Variants in GABRA3 observed in about 807,000 individuals in gnomAD.
GABRA3 encodes gamma-aminobutyric acid receptor subunit alpha-3.
Under a neutral mutation model 30.1 loss-of-function variants are expected in GABRA3, and 10 were observed. The ratio of observed to expected loss-of-function variants is 0.33; its 90% CI spans 0.20 to 0.56. The LOEUF (loss-of-function observed/expected upper bound fraction) is 0.56, where lower values mean the gene tolerates loss of function less well. Ranked by LOEUF, GABRA3 falls within the 20% of genes least tolerant of loss-of-function variation. GABRA3 has a pLI of 0.89. For missense variants in GABRA3, 233 were observed against 392.0 expected (o/e 0.59, Z 3.42); for synonymous variants, 151 against 146.8 (o/e 1.03, Z -0.21).
rs768180233 is a variant in GABRA3 at position 152,173,796 on chromosome X, T to C, written c.1144-5233A>G. Among the ~76,000 whole-genome samples the C allele has an allele frequency of 2.7e-5, 3 of 110,481 alleles. No individual in the cohort carries two copies. The East Asian group carries it at 8.5e-4, about 31-fold the overall frequency. ...ATTTATTTATTTATTTATTTATTTA[T>C]ATTATTATTATACTTTAAGTTTTAG... is the stretch of plus-strand genomic sequence containing the variant. On this transcript the variant is annotated intron_variant, in intron 9 of 9. Coordinates refer to ENST00000370314, the MANE Select transcript of GABRA3 (RefSeq NM_000808.4).
At chrX:152,307,107 C>A (rs890734257) in intron 3 of GABRA3, among the ~76,000 whole-genome samples, 1 of 111,019 alleles carries the variant, frequency 9.0e-6, no homozygotes, top group Admixed American at 9.6e-5. Context: ...GAGACTGAGT[C>A]CTGGGTCAAC....
chrX:152,357,927 C>T (rs953560878), intron 2 of GABRA3, among the ~76,000 whole-genome samples: 6 of 111,114 alleles, frequency 5.4e-5, no homozygotes, highest in Non-Finnish European at 7.5e-5. Flanking sequence ...ATTTCTGTAC[C>T]GGTACCATGC....
At chrX:152,266,753 GA>G (rs745313420) in intron 4 of GABRA3, among the ~76,000 whole-genome samples, 21 of 108,619 alleles carry the variant, frequency 1.9e-4, no homozygotes, top group South Asian at 4.0e-4. Context: ...TTATAGCACT[GA>G]AAAAAAAATA....
chrX:152,319,316 G>C (rs1289105758), intron 3 of GABRA3, among the ~76,000 whole-genome samples: 1 of 111,846 alleles, frequency 8.9e-6, no homozygotes, highest in East Asian at 2.8e-4. Flanking sequence ...CACATTACTT[G>C]ACTTCAAACT....
chrX:152,169,331 G>A (rs1341744352), intron 9 of GABRA3, among the ~76,000 whole-genome samples: 1 of 112,417 alleles, frequency 8.9e-6, no homozygotes, highest in Non-Finnish European at 1.9e-5. Flanking sequence ...GCTTTCCACA[G>A]AGCTATGTAA....
chrX:152,241,711 G>C (rs765286633), intron 5 of GABRA3, among the ~76,000 whole-genome samples: 1 of 109,254 alleles, frequency 9.2e-6, no homozygotes, highest in African/African-American at 3.3e-5. Flanking sequence ...CTCGTGGTGC[G>C]CCGTTTCTTA....
In GABRA3 at chrX:152,232,622, A is replaced by G. The variant is rs188187783; in HGVS notation, c.552-7777T>C. ...TTATTTTATTGATAAATAGTGTTCT[A>G]TTGTGTGTGTGTGTGTGTATATATG... On this transcript the variant is annotated intron_variant, in intron 5 of 9. Coordinates refer to ENST00000370314, the MANE Select transcript of GABRA3 (RefSeq NM_000808.4). 3.3e-3 allele frequency among the ~76,000 whole-genome samples: 338 copies of G among 102,137 alleles called. 3 individuals are homozygous for G. Among genetic ancestry groups the G allele is most frequent in the African/African-American group, 0.013 (320 of 25,141 alleles). 88.7% of individuals were successfully genotyped at this position (102,137 alleles called of 115,157 possible).
intron 4 of GABRA3, among the ~76,000 whole-genome samples, chrX:152,256,540 C>A (rs1452802660): frequency 1.6e-4 from 18 of 110,954 alleles, no homozygotes; most frequent in Non-Finnish European, 1.7e-4. Flanking sequence ...ACCTTATAGA[C>A]AAATAAGATA....
At chrX:152,232,612 A>G (rs1202916589) in intron 5 of GABRA3, among the ~76,000 whole-genome samples, 1 of 104,291 alleles carries the variant, frequency 9.6e-6, no homozygotes, top group Non-Finnish European at 1.9e-5. Flanking sequence ...TTATTGATAA[A>G]TAGTGTTCTA....
rs1438116696 is a variant in GABRA3, at chrX:152,246,716, C to T, written c.551+9062G>A. ...ACCTCATTGTAAGCTTTCTCAGAGA[C>T]CAAAATGAACCACTCCATCTCTTCT... On this transcript the variant is annotated intron_variant, in intron 5 of 9. Coordinates refer to ENST00000370314, the MANE Select transcript of GABRA3 (RefSeq NM_000808.4). 3.6e-5 allele frequency among the ~76,000 whole-genome samples: 4 copies of T among 111,122 alleles called. No homozygotes were observed. In the East Asian group the frequency reaches 1.1e-3, roughly 32 times the overall value.
chrX:152,180,024 C>T (rs922386541), intron 9 of GABRA3, among the ~76,000 whole-genome samples: 2 of 111,938 alleles, frequency 1.8e-5, no homozygotes, highest in African/African-American at 3.2e-5. Context: ...AATTATTATA[C>T]AAGTACACAT....
At chrX:152,222,296 T>A (rs1338255049) in intron 6 of GABRA3, among the ~76,000 whole-genome samples, 1 of 107,091 alleles carries the variant, frequency 9.3e-6, no homozygotes, top group Non-Finnish European at 1.9e-5. Flanking sequence ...TTTTTCTATT[T>A]ATCAATTTTT....
intron 5 of GABRA3, among the ~76,000 whole-genome samples, chrX:152,226,395 A>G (rs1253217424): frequency 2.7e-5 from 3 of 111,785 alleles, no homozygotes; most frequent in African/African-American, 9.8e-5. Flanking sequence ...TTCTAAAGAA[A>G]GACTTAAACC....
At chrX:152,360,920 T>A (rs1444970939) in intron 2 of GABRA3, among the ~76,000 whole-genome samples, 1 of 104,873 alleles carries the variant, frequency 9.5e-6, no homozygotes, top group East Asian at 3.1e-4. Context: ...AAAATAATTT[T>A]AAAAATCAGC....
intron 6 of GABRA3, among the ~76,000 whole-genome samples, chrX:152,218,734 G>A (rs1186190876): frequency 9.0e-6 from 1 of 111,191 alleles, no homozygotes; most frequent in Non-Finnish European, 1.9e-5. Context: ...CTACAGAGGA[G>A]GAAAGAAGAG....
rs926059029 is a variant in GABRA3 at position 152,241,477 on chromosome X, C to A, written c.551+14301G>T. ...CTTTTTGTTTCTCTGTGCCCTGCCC[C>A]CAGAGGTGGAGCCTACAGAGGCAGG... On this transcript the variant is annotated intron_variant, in intron 5 of 9. Coordinates refer to ENST00000370314, the MANE Select transcript of GABRA3 (RefSeq NM_000808.4). 3.7e-5 allele frequency among the ~76,000 whole-genome samples: 4 copies of A among 106,859 alleles called. 1 individual carries two copies. Among genetic ancestry groups the A allele is most frequent in the African/African-American group, 1.3e-4 (4 of 29,993 alleles). 92.8% of individuals were successfully genotyped at this position (106,859 alleles called of 115,157 possible). A position where few individuals can be genotyped will look rare whatever the true frequency, so the allele number is the denominator to read the frequency against.
At chrX:152,329,584 C>G (rs1194888695) in intron 3 of GABRA3, among the ~76,000 whole-genome samples, 6 of 111,809 alleles carry the variant, frequency 5.4e-5, no homozygotes, top group African/African-American at 2.0e-4. Context: ...CTGACAAAAA[C>G]AAGAAATGGG....
At chrX:152,378,149 A>G (rs924764185) in intron 1 of GABRA3, among the ~76,000 whole-genome samples, 11 of 112,144 alleles carry the variant, frequency 9.8e-5, no homozygotes, top group Admixed American at 5.7e-4. Flanking sequence ...ACATTTTTGT[A>G]TTAGGCTTTG....
At position 152,411,307 on chromosome X, in the gene GABRA3, C is replaced by T. The variant is rs188369501; in HGVS notation, c.-27+39839G>A. ...TCAAGCCTGGGTGACAGAGTGAGAC[C>T]CTGTCTCAAAAATGAACAACAACCA... On this transcript the variant is annotated intron_variant, in intron 1 of 9. Coordinates refer to ENST00000370314, the MANE Select transcript of GABRA3 (RefSeq NM_000808.4). Among the ~76,000 whole-genome samples the T allele has an allele frequency of 1.6e-3, 175 of 109,711 alleles. 1 individual carries two copies. Among genetic ancestry groups the T allele is most frequent in the Non-Finnish European group, 2.6e-3 (136 of 52,608 alleles).
Sources: allele counts gnomAD v4.1 joint callset (sites outside exome capture counted in the v4.1 genomes callset), GRCh38; gene constraint gnomAD v4.1.1; transcripts MANE v1.5; gene names NCBI Gene and HGNC (gene_info 2026-07-23, HGNC 2026-07-21).